The following ZFAND6 variants were observed in gnomAD, a reference collection of about 807,000 sequenced individuals.
ZFAND6 encodes AN1-type zinc finger protein 6.
In ZFAND6, 12 loss-of-function variants were observed where a neutral mutation model predicts 24.5. The ratio of observed to expected loss-of-function variants is 0.49; its 90% CI spans 0.31 to 0.79. The LOEUF (loss-of-function observed/expected upper bound fraction) is 0.79. Among genes scored for constraint, ZFAND6 ranks in the 30% least tolerant of loss-of-function variants. ZFAND6 has a pLI of 0.04. For missense variants in ZFAND6, 207 were observed against 245.9 expected (o/e 0.84, Z 1.06); for synonymous variants, 92 against 81.5 (o/e 1.13, Z -0.69).
intron 1 of ZFAND6, among the ~76,000 whole-genome samples, chr15:80,091,612 A>G (rs551072545): frequency 8.0e-5 from 12 of 150,562 alleles, no homozygotes; most frequent in Non-Finnish European, 1.6e-4. Context: ...AATAACAGAT[A>G]CAAATTTTTA....
At chr15:80,112,465 T>G (rs768893578) in intron 2 of ZFAND6, among the ~76,000 whole-genome samples, 1 of 152,014 alleles carries the variant, frequency 6.6e-6, no homozygotes, top group Non-Finnish European at 1.5e-5. Context: ...TGGCGTGATC[T>G]TGGCTCACTG....
intron 2 of ZFAND6, among the ~76,000 whole-genome samples, chr15:80,106,277 A>G (rs533048105): frequency 1.7e-4 from 26 of 152,304 alleles, no homozygotes; most frequent in East Asian, 7.7e-4. Context: ...AGTACCTCCT[A>G]TGTGCCTGGC....
rs1469124477 is a variant in ZFAND6, at chr15:80,100,790, CCATGTAACATGGT to C, written c.-18+2219_-18+2231del. Among the ~76,000 whole-genome samples the C allele has an allele frequency of 8.5e-5, 13 of 152,272 alleles. No individual in the cohort carries two copies. The South Asian group carries it at 2.7e-3, about 32-fold the overall frequency. On this transcript the variant is annotated intron_variant, in intron 2 of 6. Transcript: ENST00000261749. The stretch of plus-strand genomic sequence containing the variant: ...AATGAAGTTTTTGGGCTATATAAGG[CCATGTAACATGGT>C]CATGTACACAGGCTATAGAGTCTGG...
chr15:80,134,680 G>T (rs956117993), intron 6 of ZFAND6, among the ~76,000 whole-genome samples: 2 of 152,160 alleles, frequency 1.3e-5, no homozygotes, highest in African/African-American at 4.8e-5. Context: ...TTCAAGATAG[G>T]GATCTTGGAG....
At chr15:80,117,026 G>A (rs998483828) in intron 2 of ZFAND6, among the ~76,000 whole-genome samples, 28 of 152,034 alleles carry the variant, frequency 1.8e-4, no homozygotes, top group Non-Finnish European at 3.2e-4. Flanking sequence ...AGTGTCTTAG[G>A]ATGATATTTC....
intron 5 of ZFAND6, among the ~76,000 whole-genome samples, chr15:80,127,570 A>G (rs1012969086): frequency 7.0e-6 from 1 of 143,138 alleles, no homozygotes; most frequent in Non-Finnish European, 1.5e-5. Flanking sequence ...AGCCTGGGCA[A>G]AAGGGCAAAA....
At chr15:80,069,063 T>C (rs985385748) in intron 1 of ZFAND6, among the ~76,000 whole-genome samples, 7 of 152,248 alleles carry the variant, frequency 4.6e-5, no homozygotes, top group Non-Finnish European at 8.8e-5. Context: ...AAAAGCTCTT[T>C]CAGTAACTAT....
intron 1 of ZFAND6, among the ~76,000 whole-genome samples, chr15:80,078,522 C>T (rs141827657): frequency 9.2e-5 from 14 of 152,254 alleles, no homozygotes; most frequent in South Asian, 4.1e-4. Context: ...TGAACATAAA[C>T]GAGTGCATGT....
chr15:80,087,362 G>A (rs936471369), intron 1 of ZFAND6, among the ~76,000 whole-genome samples: 19 of 152,308 alleles, frequency 1.2e-4, no homozygotes, highest in South Asian at 2.1e-4. Context: ...AGTGGATGTG[G>A]AGTGGTATTC....
intron 1 of ZFAND6, among the ~76,000 whole-genome samples, chr15:80,085,033 C>T (rs577343172): frequency 6.6e-5 from 10 of 152,298 alleles, no homozygotes; most frequent in Non-Finnish European, 1.3e-4. Flanking sequence ...GTTTCCTGCC[C>T]TAACTGAAGC....
chr15:80,073,561 C>T (rs538221793), intron 1 of ZFAND6, among the ~76,000 whole-genome samples: 12 of 151,930 alleles, frequency 7.9e-5, no homozygotes, highest in African/African-American at 1.2e-4. Flanking sequence ...CTACTTGTTC[C>T]GGATCATGCA....
intron 1 of ZFAND6, chr15:80,075,250 G>A (rs1212890198): frequency 5.1e-6 from 1 of 195,380 alleles, no homozygotes; most frequent in Non-Finnish European, 1.1e-5. Flanking sequence ...TTGGTAATTT[G>A]ACAACATGTA....
intron 6 of ZFAND6, among the ~76,000 whole-genome samples, chr15:80,135,793 T>C (rs182336348): frequency 1.3e-5 from 2 of 152,180 alleles, no homozygotes; most frequent in Admixed American, 1.3e-4. Context: ...TAAAAAGATG[T>C]TTCAGATTTG....
At chr15:80,089,191 C>G (rs1029063631) in intron 1 of ZFAND6, among the ~76,000 whole-genome samples, 4 of 147,288 alleles carry the variant, frequency 2.7e-5, no homozygotes, top group South Asian at 4.3e-4. Context: ...ATATTTGCCT[C>G]TTGTACCAAA....
intron 1 of ZFAND6, among the ~76,000 whole-genome samples, chr15:80,071,208 A>C (rs34595006): frequency 0.079 from 11,984 of 152,276 alleles, 550 homozygotes; most frequent in East Asian, 0.19. Context: ...TTGTGTTCTA[A>C]TATTTGAGTT....
chr15:80,110,452 T>TTA (rs2039552422), intron 2 of ZFAND6, among the ~76,000 whole-genome samples: 1 of 152,150 alleles, frequency 6.6e-6, no homozygotes, highest in Admixed American at 6.5e-5. Flanking sequence ...ACAGTAGTAT[T>TTA]AGCACATCTG....
chr15:80,064,014 G>A (rs576227226), intron 1 of ZFAND6, among the ~76,000 whole-genome samples: 2 of 152,338 alleles, frequency 1.3e-5, no homozygotes, highest in African/African-American at 4.8e-5. Flanking sequence ...CAAGTGCTCG[G>A]TAGCCACATA....
Position 80,128,099 on chromosome 15 carries a change from A to G in ZFAND6, c.365-3081A>G, listed in dbSNP as rs182690223. Among the ~76,000 whole-genome samples, 123 of 152,368 alleles carry G rather than the reference A, an allele frequency of 8.1e-4. 1 individual carries two copies. Among genetic ancestry groups the G allele is most frequent in the Middle Eastern group, 6.8e-3 (2 of 294 alleles). ...TTAGGTACAAAAGGCTACATGTTGT[A>G]TGATTTTATTTATATAGAATGTCTA... On this transcript the variant is annotated intron_variant, in intron 5 of 6. Transcript: ENST00000261749.
At chr15:80,074,907 G>A (rs1366376316) in intron 1 of ZFAND6, among the ~76,000 whole-genome samples, 2 of 152,114 alleles carry the variant, frequency 1.3e-5, no homozygotes, top group Admixed American at 1.3e-4. Context: ...CTTACAAATG[G>A]GGAGTAATGA....
Sources: allele counts gnomAD v4.1 joint callset (sites outside exome capture counted in the v4.1 genomes callset), GRCh38; gene constraint gnomAD v4.1.1; transcripts MANE v1.5; gene names NCBI Gene and HGNC (gene_info 2026-07-23, HGNC 2026-07-21).